EIF4G3: variants seen among roughly 807,000 people sequenced by gnomAD.
The protein encoded by EIF4G3 is eIF-4-gamma 3.
EIF4G3 carries 34 observed loss-of-function variants against 186.4 expected under a neutral mutation model. The observed-to-expected ratio is 0.18, with a 90% CI of 0.14 to 0.24. The LOEUF (loss-of-function observed/expected upper bound fraction) is 0.24, where lower values mean the gene tolerates loss of function less well. EIF4G3 is among the 10% of genes least tolerant of loss of function. EIF4G3 has a pLI of 1.00. For missense variants in EIF4G3, 1,536 were observed against 1,948.5 expected (o/e 0.79, Z 3.99); for synonymous variants, 673 against 679.5 (o/e 0.99, Z 0.15).
intron 4 of EIF4G3, among the ~76,000 whole-genome samples, chr1:21,036,023 G>A (rs1171030674): frequency 6.6e-6 from 1 of 152,198 alleles, no homozygotes; most frequent in Non-Finnish European, 1.5e-5. Flanking sequence ...CCTCTCTGCT[G>A]AGAGCTGCAA....
intron 25 of EIF4G3, 50 bp from the exon 26 acceptor site, chr1:20,855,121 T>A: frequency 1.4e-6 from 2 of 1,410,856 alleles, no homozygotes; most frequent in Non-Finnish European, 1.9e-6. Flanking sequence ...TCTAGAAGAA[T>A]AGTTTTTCTT....
intron 20 of EIF4G3, among the ~76,000 whole-genome samples, chr1:20,867,990 T>C (rs2077986952): frequency 1.3e-5 from 2 of 151,910 alleles, no homozygotes; most frequent in Admixed American, 1.3e-4. Context: ...TTTTGGAATA[T>C]GATCTTAATA....
At chr1:21,038,296 C>A (rs113792558) in intron 4 of EIF4G3, among the ~76,000 whole-genome samples, 160 of 152,288 alleles carry the variant, frequency 1.1e-3, no homozygotes, top group African/African-American at 3.8e-3. Flanking sequence ...AGACTGTGGG[C>A]TAAAAGCACC....
intron 2 of EIF4G3, among the ~76,000 whole-genome samples, chr1:21,130,214 CTCTT>C (rs916215119): frequency 9.3e-6 from 1 of 107,758 alleles, no homozygotes; most frequent in Non-Finnish European, 1.9e-5. Context: ...GAGACCCCAT[CTCTT>C]TTTTTTTTTT....
chr1:21,073,624 G>A, intron 3 of EIF4G3: 1 of 517,458 alleles, frequency 1.9e-6, no homozygotes, highest in Admixed American at 1.9e-5. Flanking sequence ...AGTCTCCCTG[G>A]GCACACGCCA....
chr1:21,029,946 C>T (rs2092585618), intron 4 of EIF4G3, among the ~76,000 whole-genome samples: 1 of 152,128 alleles, frequency 6.6e-6, no homozygotes, highest in East Asian at 1.9e-4. Context: ...GCCATGAACT[C>T]CTGGGCTCAG....
intron 2 of EIF4G3, among the ~76,000 whole-genome samples, chr1:21,136,227 A>C (rs1467230959): frequency 2.7e-5 from 4 of 149,794 alleles, no homozygotes; most frequent in African/African-American, 9.9e-5. Flanking sequence ...AAAGGGAAAA[A>C]AAAAGAACAG....
intron 23 of EIF4G3, 21 bp downstream of exon 23, chr1:20,862,207 A>T (rs772924935): frequency 7.8e-6 from 10 of 1,282,112 alleles, no homozygotes; most frequent in African/African-American, 3.0e-5. Flanking sequence ...CAGGCTTATT[A>T]TTATTTTTTT....
At chr1:20,991,730 G>A (rs1046087504) in intron 7 of EIF4G3, among the ~76,000 whole-genome samples, 19 of 152,148 alleles carry the variant, frequency 1.2e-4, no homozygotes, top group African/African-American at 4.6e-4. Flanking sequence ...TACCCTAGAG[G>A]TTTATGTCAG....
At chr1:20,816,453 A>AG (rs548811910) in intron 34 of EIF4G3, among the ~76,000 whole-genome samples, 2 of 89,764 alleles carry the variant, frequency 2.2e-5, no homozygotes, top group Non-Finnish European at 4.4e-5. Context: ...GGAAGTGAGG[A>AG]CCCCTCTGCC....
intron 30 of EIF4G3, among the ~76,000 whole-genome samples, chr1:20,837,997 A>G (rs2154548874): frequency 6.6e-6 from 1 of 152,328 alleles, no homozygotes; most frequent in Non-Finnish European, 1.5e-5. Context: ...TGCAGACGGA[A>G]GCAGGTATGG....
intron 32 of EIF4G3, among the ~76,000 whole-genome samples, chr1:20,827,161 G>C (rs779028385): frequency 3.9e-5 from 6 of 152,028 alleles, no homozygotes; most frequent in Non-Finnish European, 2.9e-5. Context: ...TTCCCTTTGT[G>C]ATGCCACAAC....
rs188157278 is a variant in EIF4G3, at chr1:20,858,915, G to A, written c.3245-1418C>T. On this transcript the variant is annotated intron_variant, in intron 24 of 36. Transcript: ENST00000602326. Reference sequence around the variant, plus strand: ...GGGAGGCTGAGGCAGAGAACTGCTTGAATCCGGGAGGCGGAGGTTGCAGTG... The same window carrying A: ...GGGAGGCTGAGGCAGAGAACTGCTTAAATCCGGGAGGCGGAGGTTGCAGTG... Among the ~76,000 whole-genome samples, 170 of 152,294 alleles carry A rather than the reference G, an allele frequency of 1.1e-3. 1 individual carries two copies. The highest frequency in any genetic ancestry group is 4.0e-3 in the African/African-American group (165 of 41,558).
At chr1:21,033,590 C>T (rs2092927600) in intron 4 of EIF4G3, among the ~76,000 whole-genome samples, 1 of 152,156 alleles carries the variant, frequency 6.6e-6, no homozygotes, top group African/African-American at 2.4e-5. Context: ...GAATAAGGTT[C>T]AATTTATGAA....
intron 11 of EIF4G3, 125 bp downstream of exon 11, chr1:20,972,877 G>GTGGTCGCC: frequency 1.4e-6 from 1 of 718,462 alleles, no homozygotes; most frequent in Non-Finnish European, 2.2e-6. Flanking sequence ...TGACTATAAG[G>GTGGTCGCC]GAAGAATAAA....
chr1:20,829,446 C>T (rs1034382895), intron 30 of EIF4G3, among the ~76,000 whole-genome samples, 174 bp from the exon 31 acceptor site: 3 of 151,970 alleles, frequency 2.0e-5, no homozygotes, highest in Non-Finnish European at 4.4e-5. Flanking sequence ...ATTATGTTAG[C>T]GTGGGGGAAA....
At chr1:21,066,742 T>C (rs1041787271) in intron 3 of EIF4G3, among the ~76,000 whole-genome samples, 6 of 152,192 alleles carry the variant, frequency 3.9e-5, no homozygotes, top group African/African-American at 1.2e-4. Context: ...CAATAATAAA[T>C]CCATGCCTGG....
At chr1:21,147,355 T>C (rs552202009) in intron 2 of EIF4G3, among the ~76,000 whole-genome samples, 7 of 152,112 alleles carry the variant, frequency 4.6e-5, no homozygotes, top group Non-Finnish European at 1.0e-4. Context: ...GTTTTTTTTC[T>C]TCTGAGACAG....
At chr1:21,095,943 A>G (rs1299124400) in intron 2 of EIF4G3, among the ~76,000 whole-genome samples, 1 of 152,240 alleles carries the variant, frequency 6.6e-6, no homozygotes, top group Non-Finnish European at 1.5e-5. Flanking sequence ...TACACTCACA[A>G]AAGTTTCAAA....
Sources: gnomAD v4.1 joint callset for allele counts (sites outside exome capture counted in the v4.1 genomes callset) on GRCh38, gnomAD v4.1.1 for gene constraint, MANE v1.5 for transcripts, NCBI Gene and HGNC (gene_info 2026-07-23, HGNC 2026-07-21) for gene names.